Variants in SPCS3 observed in about 807,000 individuals in gnomAD.
The protein encoded by SPCS3 is SPase 22 kDa subunit.
In SPCS3, 9 loss-of-function variants were observed where a neutral mutation model predicts 17.2. The observed-to-expected ratio is 0.52, with a 90% CI of 0.31 to 0.91. The LOEUF is 0.91. SPCS3 is among the 40% of genes least tolerant of loss of function. The probability of loss-of-function intolerance (pLI) is 0.04; values close to 1 mark genes in which losing one functional copy is unlikely to be tolerated. For synonymous variants in SPCS3, 87 were observed against 89.6 expected, an observed-to-expected ratio of 0.97 and a Z score of 0.16; for missense variants, 139 against 217.5, an observed-to-expected ratio of 0.64 and a Z score of 2.27.
chr4:176,324,258 G>T lies in SPCS3; in HGVS notation c.294+1G>T. On this transcript the variant is annotated splice_donor_variant, in intron 3 of 4. Transcript: ENST00000503362. LOFTEE classifies it high-confidence loss of function. ...AGCAGAATATTCAACAAAAAATAAT[G>T]TAAGTATATCTAATTAGAAGTATTT... The T allele has an allele frequency of 9.0e-7, 1 of 1,111,474 alleles. No individual in the cohort carries two copies. The highest frequency in any genetic ancestry group is 1.2e-6 in the Non-Finnish European group (1 of 802,278). 68.9% of individuals were successfully genotyped at this position (1,111,474 alleles called of 1,614,324 possible).
At chr4:176,326,501 G>C (rs936274337) in intron 3 of SPCS3, among the ~76,000 whole-genome samples, 11 of 152,192 alleles carry the variant, frequency 7.2e-5, no homozygotes, top group African/African-American at 2.4e-4. Context: ...GTAATATGTT[G>C]AAAGAGTAGC....
chr4:176,330,973 G>T lies in SPCS3; in HGVS notation c.*2643G>T. 6.6e-6 allele frequency: 1 copy of T among 152,038 alleles called. No individual in the cohort carries two copies. The highest frequency in any genetic ancestry group is 1.9e-4 in the East Asian group (1 of 5,184). The allele number at this position is 152,038 out of a possible 1,614,324, so 9.4% of individuals were successfully genotyped here. On this transcript the variant is annotated 3_prime_UTR_variant, in exon 5 of 5. Transcript: ENST00000503362. Reference sequence around the variant, plus strand: ...TACATTTGGTTTCTTTATTCTGAAAGGAAAATAACAAAAACTTCAGAAATT... The same window carrying T: ...TACATTTGGTTTCTTTATTCTGAAATGAAAATAACAAAAACTTCAGAAATT...
rs547958896 is a variant in SPCS3 at position 176,330,369 on chromosome 4, C to T, written c.*2039C>T. 6.6e-6 allele frequency: 1 copy of T among 152,290 alleles called. No individual in the cohort carries two copies. The highest frequency in any genetic ancestry group is 6.5e-5 in the Admixed American group (1 of 15,300). The allele number at this position is 152,290 out of a possible 1,614,324, so 9.4% of individuals were successfully genotyped here. A position where few individuals can be genotyped will look rare whatever the true frequency, so the allele number is the denominator to read the frequency against. On this transcript the variant is annotated 3_prime_UTR_variant, in exon 5 of 5. Transcript: ENST00000503362. The stretch of plus-strand genomic sequence containing the variant: ...CGATAAGCCTGCAGTCTTAACCAGA[C>T]CTGGTACCAGTTTAACAGTTCATGA...
At position 176,327,205 on chromosome 4, in the gene SPCS3, G is replaced by A. The variant is rs1293353573; in HGVS notation, c.338G>A (p.Gly113Asp). The change falls in exon 4 of 5, where the codon GGT (glycine) becomes GAT (aspartate). Residue 113 changes from glycine to aspartate, a missense_variant. Transcript: ENST00000503362. ...CTATGGGACAAGATTGTTTTGAGAG[G>A]TGATAATCCGAAGCTGCTGCTGAAA... ...VVLWDKIVLR[G>D]DNPKLLLKDM... The A allele has an allele frequency of 1.9e-6, 3 of 1,599,212 alleles. No individual in the cohort carries two copies. The highest frequency in any genetic ancestry group is 2.6e-6 in the Non-Finnish European group (3 of 1,173,320).
chr4:176,324,964 C>T (rs1579358104), intron 3 of SPCS3, among the ~76,000 whole-genome samples: 2 of 150,172 alleles, frequency 1.3e-5, no homozygotes, highest in South Asian at 2.1e-4. Context: ...ATAGTAAGAT[C>T]AGAAAGATAT....
In SPCS3 at chr4:176,327,232, A is replaced by T; in HGVS notation, c.365A>T (p.Asp122Val). 1.9e-6 allele frequency: 3 copies of T among 1,594,782 alleles called. No homozygotes were observed. The highest frequency in any genetic ancestry group is 2.6e-6 in the Non-Finnish European group (3 of 1,170,870). The change falls in exon 4 of 5, where the codon GAT becomes GTT. Residue 122 changes from aspartate to valine, a missense_variant. Physicochemically the swap from Asp to Val is radical, Grantham distance 152 (BLOSUM62 -3). Transcript: ENST00000503362. ...GATAATCCGAAGCTGCTGCTGAAAGATATGAAAACAAAATATTTTTTCTTT... is the reference window on the plus strand; with the variant it reads ...GATAATCCGAAGCTGCTGCTGAAAGTTATGAAAACAAAATATTTTTTCTTT... ...RGDNPKLLLK[D>V]MKTKYFFFDD... is the part of the protein sequence containing the mutation.
intron 2 of SPCS3, among the ~76,000 whole-genome samples, chr4:176,323,431 T>G (rs1044005177): frequency 2.0e-5 from 3 of 152,178 alleles, no homozygotes; most frequent in Non-Finnish European, 2.9e-5. Flanking sequence ...CTAGACTTAG[T>G]TCTAAAGGAG....
intron 3 of SPCS3, 21 bp downstream of exon 3, chr4:176,324,278 G>A: frequency 9.9e-7 from 1 of 1,008,942 alleles, no homozygotes; most frequent in South Asian, 1.8e-5. Context: ...CTAATTAGAA[G>A]TATTTTAATA....
rs143519437 is a variant in SPCS3 at position 176,332,188 on chromosome 4, C to A, written c.*3858C>A. 6.6e-6 allele frequency: 1 copy of A among 152,346 alleles called. No homozygotes were observed. The highest frequency in any genetic ancestry group is 2.1e-4 in the South Asian group (1 of 4,834). The allele number at this position is 152,346 out of a possible 1,614,324, so 9.4% of individuals were successfully genotyped here. The stretch of plus-strand genomic sequence containing the variant: ...AGATTTATCTTTGTATCTTCCCCAG[C>A]GCCTAGTGTAGTGCCTTGCACATAA... On this transcript the variant is annotated 3_prime_UTR_variant, in exon 5 of 5. Transcript: ENST00000503362.
At chr4:176,322,276 C>T (rs764708903) in intron 2 of SPCS3, 33 bp downstream of exon 2, 7 of 1,427,866 alleles carry the variant, frequency 4.9e-6, no homozygotes, top group Non-Finnish European at 5.9e-6. Context: ...GTTGCGTTTT[C>T]TGTAGTTTTA....
Position 176,320,387 on chromosome 4 carries a change from G to C in SPCS3, c.143+168G>C, listed in dbSNP as rs901873486. ...AGGGCGGTCGTCAGGGGTGGACGTCGCAGGCTTTTCCGGCGTCCCCTCGGA... is the reference window on the plus strand; with the variant it reads ...AGGGCGGTCGTCAGGGGTGGACGTCCCAGGCTTTTCCGGCGTCCCCTCGGA... On this transcript the variant is annotated intron_variant, in intron 1 of 4. Coordinates refer to ENST00000503362, the MANE Select transcript of SPCS3 (RefSeq NM_021928.4). 6 of 452,984 alleles carry C rather than the reference G, an allele frequency of 1.3e-5. No individual in the cohort carries two copies. The East Asian group carries it at 1.4e-4, about 11-fold the overall frequency. The allele number at this position is 452,984 out of a possible 1,614,324, so 28.1% of individuals were successfully genotyped here. A position where few individuals can be genotyped will look rare whatever the true frequency, so the allele number is the denominator to read the frequency against.
rs55821823 is a variant in SPCS3 at position 176,328,436 on chromosome 4, G to GTTTT, written c.*122_*125dup. On this transcript the variant is annotated 3_prime_UTR_variant, in exon 5 of 5. Coordinates refer to ENST00000503362, the MANE Select transcript of SPCS3 (RefSeq NM_021928.4). ...TTGTTGGTTTGTTTTTTGGTTTTGG[G>GTTTT]TTTTTTTTTTTTTTTTTTTGGTATA... 8.4e-5 allele frequency: 40 copies of GTTTT among 474,954 alleles called. No homozygotes were observed. Among genetic ancestry groups the GTTTT allele is most frequent in the Non-Finnish European group, 1.0e-4 (34 of 331,480 alleles). 29.4% of individuals were successfully genotyped at this position (474,954 alleles called of 1,614,324 possible). A position where few individuals can be genotyped will look rare whatever the true frequency, so the allele number is the denominator to read the frequency against.
intron 3 of SPCS3, 128 bp downstream of exon 3, chr4:176,324,385 A>T (rs972762007): frequency 2.3e-6 from 1 of 433,250 alleles, no homozygotes; most frequent in Non-Finnish European, 3.7e-6. Flanking sequence ...AAGCCAGTGG[A>T]GGTAGCTGTG....
rs1731635447 is a variant in SPCS3 at position 176,328,330 on chromosome 4, AATT to A, written c.*4_*6del. ...CATATGAAATAACGAAGAGTTATTAAATTATTCTGAATTTGAAACAACATATTT... is the reference window on the plus strand; with the variant it reads ...CATATGAAATAACGAAGAGTTATTAAATTCTGAATTTGAAACAACATATTT... On this transcript the variant is annotated 3_prime_UTR_variant, in exon 5 of 5. Coordinates refer to ENST00000503362, the MANE Select transcript of SPCS3 (RefSeq NM_021928.4). 4 of 1,576,666 alleles carry A rather than the reference AATT, an allele frequency of 2.5e-6. No individual in the cohort carries two copies. Among genetic ancestry groups the A allele is most frequent in the Non-Finnish European group, 2.6e-6 (3 of 1,160,292 alleles).
In SPCS3 at chr4:176,330,529, T is replaced by C. The variant is rs1009995455; in HGVS notation, c.*2199T>C. 8.5e-5 allele frequency: 13 copies of C among 152,210 alleles called. No homozygotes were observed. The highest frequency in any genetic ancestry group is 3.1e-4 in the African/African-American group (13 of 41,454). 9.4% of individuals were successfully genotyped at this position (152,210 alleles called of 1,614,324 possible). On this transcript the variant is annotated 3_prime_UTR_variant, in exon 5 of 5. Transcript: ENST00000503362. ...AAGTAAAAATGCCCAACTAGTACAATGTGGAGAAAGTTTTCTGTTTGCTTG... is the reference window on the plus strand; with the variant it reads ...AAGTAAAAATGCCCAACTAGTACAACGTGGAGAAAGTTTTCTGTTTGCTTG...
rs750049056 is a variant in SPCS3, at chr4:176,322,153, T to C, written c.144-17T>C. On this transcript the variant is annotated splice_polypyrimidine_tract_variant and intron_variant, in intron 1 of 4. Coordinates refer to ENST00000503362, the MANE Select transcript of SPCS3 (RefSeq NM_021928.4). The stretch of plus-strand genomic sequence containing the variant: ...GTTCTGTTGGAAGGATGGTAAAACT[T>C]TTATCTTTATTCCTAGAAAAAATGT... 30 of 1,550,062 alleles carry C rather than the reference T, an allele frequency of 1.9e-5. No homozygotes were observed. Among genetic ancestry groups the C allele is most frequent in the Non-Finnish European group, 2.7e-5 (30 of 1,123,948 alleles).
At chr4:176,324,302 T>C in intron 3 of SPCS3, 45 bp downstream of exon 3, 1 of 868,346 alleles carries the variant, frequency 1.2e-6, no homozygotes, top group Non-Finnish European at 1.6e-6. Context: ...ATTTAAAGTC[T>C]TACTCTTTAC....
At chr4:176,327,344 A>C in intron 4 of SPCS3, 67 bp downstream of exon 4, 3 of 995,884 alleles carry the variant, frequency 3.0e-6, no homozygotes, top group Non-Finnish European at 4.2e-6. Context: ...ATGTATTTTT[A>C]TTTTAAAGAA....
At chr4:176,325,273 C>T (rs911080347) in intron 3 of SPCS3, among the ~76,000 whole-genome samples, 10 of 151,788 alleles carry the variant, frequency 6.6e-5, no homozygotes, top group Non-Finnish European at 1.3e-4. Context: ...AGGCTGGTCT[C>T]GAACTCCTAA....
Sources: gnomAD v4.1 joint callset for allele counts (sites outside exome capture counted in the v4.1 genomes callset) on GRCh38, gnomAD v4.1.1 for gene constraint, MANE v1.5 for transcripts, NCBI Gene and HGNC (gene_info 2026-07-23, HGNC 2026-07-21) for gene names.